The following PLPP4 variants were observed in gnomAD, a reference collection of about 807,000 sequenced individuals.
PLPP4 encodes phospholipid phosphatase 4, also known as diacylglycerol pyrophosphate like 2.
PLPP4 carries 20 observed loss-of-function variants against 32.2 expected under a neutral mutation model. The ratio of observed to expected loss-of-function variants is 0.62; its 90% CI spans 0.44 to 0.90. The LOEUF is 0.90. PLPP4 is among the 40% of genes least tolerant of loss of function. The pLI is 0.00. For missense variants in PLPP4, 257 were observed against 353.1 expected, an observed-to-expected ratio of 0.73 and a Z score of 2.18; for synonymous variants, 127 against 133.0, an observed-to-expected ratio of 0.95 and a Z score of 0.31.
chr10:120,526,991 G>A (rs1394065234), intron 5 of PLPP4, among the ~76,000 whole-genome samples: 2 of 152,142 alleles, frequency 1.3e-5, no homozygotes, highest in African/African-American at 4.8e-5. Context: ...ATAGAGTGAT[G>A]TGGTGTTCAG....
chr10:120,551,239 G>T (rs929754386), intron 5 of PLPP4, among the ~76,000 whole-genome samples: 2 of 152,142 alleles, frequency 1.3e-5, no homozygotes, highest in African/African-American at 4.8e-5. Context: ...CCAAAATGTT[G>T]ATGGGTATGG....
At chr10:120,565,669 G>C (rs1384414592) in intron 5 of PLPP4, among the ~76,000 whole-genome samples, 1 of 151,904 alleles carries the variant, frequency 6.6e-6, no homozygotes, top group African/African-American at 2.4e-5. Context: ...TATGTATCTT[G>C]TTTGGGATTC....
chr10:120,508,916 C>A (rs1845615393), intron 2 of PLPP4, among the ~76,000 whole-genome samples: 1 of 152,224 alleles, frequency 6.6e-6, no homozygotes, highest in Admixed American at 6.5e-5. Context: ...AAATACTAGT[C>A]AACAACCAGC....
At chr10:120,537,575 G>A (rs985442295) in intron 5 of PLPP4, among the ~76,000 whole-genome samples, 3 of 152,110 alleles carry the variant, frequency 2.0e-5, no homozygotes, top group African/African-American at 7.2e-5. Context: ...TGGTCAAAGT[G>A]TACAAACTTA....
chr10:120,502,637 A>T (rs1052687776), intron 1 of PLPP4, among the ~76,000 whole-genome samples: 1 of 152,160 alleles, frequency 6.6e-6, no homozygotes, highest in African/African-American at 2.4e-5. Context: ...GGGGAGCTGA[A>T]GCTGCAAACA....
intron 5 of PLPP4, among the ~76,000 whole-genome samples, chr10:120,556,346 C>G (rs1253589988): frequency 6.6e-6 from 1 of 152,108 alleles, no homozygotes; most frequent in African/African-American, 2.4e-5. Context: ...CTTGATTTTT[C>G]TGATGTTTGT....
chr10:120,503,689 C>A (rs713088), intron 1 of PLPP4, 129 bp from the exon 2 acceptor site: 109,560 of 1,588,218 alleles, frequency 0.069, 5,028 homozygotes, highest in South Asian at 0.16. Flanking sequence ...GACAGCAGGG[C>A]CTGTCTCTTT....
chr10:120,571,222 AG>A (rs57883539), intron 5 of PLPP4, among the ~76,000 whole-genome samples: 57,099 of 151,360 alleles, frequency 0.38, 10,903 homozygotes, highest in East Asian at 0.47. Flanking sequence ...CTGGCTCAGG[AG>A]TTTTCTACTT....
intron 2 of PLPP4, among the ~76,000 whole-genome samples, chr10:120,510,708 C>T (rs549530665): frequency 4.3e-5 from 5 of 117,572 alleles, no homozygotes; most frequent in East Asian, 7.0e-4. Flanking sequence ...AGGAGGAAGT[C>T]GTTTTCCTAA....
chr10:120,486,486 G>A (rs1844463316), intron 1 of PLPP4, among the ~76,000 whole-genome samples: 1 of 152,104 alleles, frequency 6.6e-6, no homozygotes, highest in Non-Finnish European at 1.5e-5. Flanking sequence ...GCTGTAAAAT[G>A]GGCTTAATAC....
At chr10:120,585,157 C>G (rs1358064012) in intron 6 of PLPP4, among the ~76,000 whole-genome samples, 1 of 152,256 alleles carries the variant, frequency 6.6e-6, no homozygotes, top group Middle Eastern at 3.4e-3. Context: ...AGAGGAAAAA[C>G]AAAACAATAG....
Position 120,591,386 on chromosome 10 carries a change from A to G in PLPP4, c.*1884A>G, listed in dbSNP as rs1476996014. Among the ~76,000 whole-genome samples, 1 of 152,200 alleles carries G rather than the reference A, an allele frequency of 6.6e-6. No individual in the cohort carries two copies. The highest frequency in any genetic ancestry group is 1.5e-5 in the Non-Finnish European group (1 of 68,046). On this transcript the variant is annotated 3_prime_UTR_variant, in exon 7 of 7. Coordinates refer to ENST00000398250, the MANE Select transcript of PLPP4 (RefSeq NM_001030059.3). ...ATTGACTTTCATCCAAAGTCAAGCC[A>G]TTGATTTTTTAAAAATTATAGCAGT...
At chr10:120,543,732 A>G (rs913755593) in intron 5 of PLPP4, among the ~76,000 whole-genome samples, 6 of 152,188 alleles carry the variant, frequency 3.9e-5, no homozygotes, top group Non-Finnish European at 8.8e-5. Context: ...TTCATCTTGC[A>G]GAACTAAAAC....
chr10:120,491,931 C>A (rs1346267304), intron 1 of PLPP4, among the ~76,000 whole-genome samples: 3 of 152,144 alleles, frequency 2.0e-5, no homozygotes, highest in South Asian at 2.1e-4. Context: ...ATAATAATTT[C>A]TTTGAATCAG....
At chr10:120,557,461 A>G (rs918495560) in intron 5 of PLPP4, among the ~76,000 whole-genome samples, 1 of 152,096 alleles carries the variant, frequency 6.6e-6, no homozygotes, top group African/African-American at 2.4e-5. Context: ...GAACCTCCAA[A>G]CGCCTCTTGT....
At chr10:120,487,015 G>A (rs1844490335) in intron 1 of PLPP4, among the ~76,000 whole-genome samples, 2 of 152,256 alleles carry the variant, frequency 1.3e-5, no homozygotes, top group South Asian at 4.1e-4. Flanking sequence ...TTCCATGCAA[G>A]TAATTGCAGA....
intron 1 of PLPP4, among the ~76,000 whole-genome samples, chr10:120,477,503 G>A (rs1369872745): frequency 6.6e-6 from 1 of 152,112 alleles, no homozygotes; most frequent in East Asian, 1.9e-4. Flanking sequence ...TCTGCTCGCT[G>A]AGCTGGAAAT....
intron 2 of PLPP4, among the ~76,000 whole-genome samples, chr10:120,512,103 A>G (rs888296810): frequency 7.2e-5 from 11 of 152,104 alleles, no homozygotes; most frequent in African/African-American, 2.4e-4. Flanking sequence ...CAAAAAAAAA[A>G]CAAAATGTAC....
chr10:120,510,610 T>G (rs1383826565), intron 2 of PLPP4, among the ~76,000 whole-genome samples: 5 of 152,180 alleles, frequency 3.3e-5, no homozygotes, highest in African/African-American at 1.2e-4. Context: ...CTGGTTTCAA[T>G]TCAGTCTGCT....
Sources: gnomAD v4.1 joint callset for allele counts (sites outside exome capture counted in the v4.1 genomes callset) on GRCh38, gnomAD v4.1.1 for gene constraint, MANE v1.5 for transcripts, NCBI Gene and HGNC (gene_info 2026-07-23, HGNC 2026-07-21) for gene names.